The following NPAT variants were observed in gnomAD, a reference collection of about 807,000 sequenced individuals.
NPAT encodes nuclear protein, coactivator of histone transcription.
NPAT carries 52 observed loss-of-function variants against 130.7 expected under a neutral mutation model. The observed-to-expected ratio is 0.40, with a 90% CI of 0.32 to 0.50. NPAT has a LOEUF of 0.50. NPAT is among the 20% of genes least tolerant of loss of function. The pLI is 0.68. For synonymous variants in NPAT, 580 were observed against 584.8 expected, an observed-to-expected ratio of 0.99 and a Z score of 0.12; for missense variants, 1,687 against 1,662.6, an observed-to-expected ratio of 1.01 and a Z score of -0.26.
chr11:108,216,586 C>A (rs546368866), intron 1 of NPAT, among the ~76,000 whole-genome samples: 1 of 151,716 alleles, frequency 6.6e-6, no homozygotes, highest in Middle Eastern at 3.4e-3. Context: ...AACAATGCCC[C>A]AGACAGAATA....
At chr11:108,205,245 A>C (rs2078314750) in intron 1 of NPAT, among the ~76,000 whole-genome samples, 2 of 152,206 alleles carry the variant, frequency 1.3e-5, no homozygotes, top group Non-Finnish European at 2.9e-5. Flanking sequence ...ACTGATAGCA[A>C]AAAAAGGTCA....
At chr11:108,218,359 A>G (rs746394221) in intron 1 of NPAT, among the ~76,000 whole-genome samples, 4 of 152,180 alleles carry the variant, frequency 2.6e-5, no homozygotes, top group Admixed American at 6.5e-5. Flanking sequence ...GTAGAGAGGG[A>G]AAGATAAAAA....
intron 1 of NPAT, among the ~76,000 whole-genome samples, chr11:108,207,718 A>AG (rs1203829312): frequency 6.6e-6 from 1 of 152,164 alleles, no homozygotes; most frequent in Non-Finnish European, 1.5e-5. Flanking sequence ...CTGCAGGGAA[A>AG]GGGGGGCTTC....
intron 10 of NPAT, among the ~76,000 whole-genome samples, chr11:108,183,663 G>A (rs752204007): frequency 4.6e-5 from 7 of 152,090 alleles, no homozygotes; most frequent in African/African-American, 1.2e-4. Flanking sequence ...TTAGCCAGGC[G>A]TGGAGGTGCA....
Position 108,173,099 on chromosome 11 carries a change from G to A in NPAT, c.1885C>T (p.Leu629=). The change falls in exon 13 of 18, where the codon CTG becomes TTG. Residue 629 remains leucine (L), a synonymous_variant. Transcript: ENST00000278612. ...GQVEIHLGDS[L]SSTKQPSNDS... Reference sequence around the variant, plus strand: ...TTAGATGGTTGTTTAGTAGAAGACAGCGAATCTCCAAGATGAATTTCTACT... The same window carrying A: ...TTAGATGGTTGTTTAGTAGAAGACAACGAATCTCCAAGATGAATTTCTACT... 6.2e-7 allele frequency: 1 copy of A among 1,614,050 alleles called. No individual in the cohort carries two copies. The highest frequency in any genetic ancestry group is 8.5e-7 in the Non-Finnish European group (1 of 1,179,992).
intron 4 of NPAT, among the ~76,000 whole-genome samples, chr11:108,191,780 T>C (rs961606303): frequency 2.0e-5 from 3 of 152,204 alleles, no homozygotes; most frequent in African/African-American, 7.2e-5. Context: ...GCATCAATTC[T>C]GTGAATATGT....
intron 15 of NPAT, among the ~76,000 whole-genome samples, chr11:108,169,294 G>A (rs1372545398): frequency 1.3e-5 from 2 of 152,192 alleles, no homozygotes; most frequent in Admixed American, 1.3e-4. Context: ...CACTGGCATT[G>A]CTTAGAAGCT....
chr11:108,202,107 A>T (rs887088244), intron 1 of NPAT, among the ~76,000 whole-genome samples: 1 of 152,226 alleles, frequency 6.6e-6, no homozygotes, highest in Non-Finnish European at 1.5e-5. Context: ...AAGGGAAAGC[A>T]GTTAACATTT....
At chr11:108,200,304 C>T (rs187274151) in intron 1 of NPAT, among the ~76,000 whole-genome samples, 293 of 152,280 alleles carry the variant, frequency 1.9e-3, no homozygotes, top group Non-Finnish European at 3.6e-3. Flanking sequence ...TGAGGGATGT[C>T]TCAGGAAAGC....
chr11:108,160,802 G>A (rs2077839168), intron 17 of NPAT, 78 bp downstream of exon 17: 1 of 1,303,694 alleles, frequency 7.7e-7, no homozygotes, highest in Non-Finnish European at 1.1e-6. Context: ...AAGTTGTTGT[G>A]GCAAGAACTG....
At chr11:108,222,350 C>T (rs4987879) in intron 1 of NPAT, 150 bp downstream of exon 1, 11,416 of 821,956 alleles carry the variant, frequency 0.014, 114 homozygotes, top group Middle Eastern at 0.034. Context: ...CCAGAACCTC[C>T]GAATGACGAA....
intron 1 of NPAT, among the ~76,000 whole-genome samples, chr11:108,204,547 ACCT>A (rs2078307405): frequency 3.0e-4 from 10 of 33,144 alleles, no homozygotes; most frequent in Non-Finnish European, 1.6e-4. Context: ...AAACCCTGGA[ACCT>A]GCCGAACCTG....
At chr11:108,207,249 T>C (rs2078337676) in intron 1 of NPAT, among the ~76,000 whole-genome samples, 1 of 152,210 alleles carries the variant, frequency 6.6e-6, no homozygotes, top group Non-Finnish European at 1.5e-5. Flanking sequence ...TATGTGCTGA[T>C]GGGTCCATGG....
At chr11:108,199,425 G>A (rs371305366) in intron 1 of NPAT, among the ~76,000 whole-genome samples, 1 of 152,188 alleles carries the variant, frequency 6.6e-6, no homozygotes, top group Admixed American at 6.5e-5. Context: ...AGGCAGGCGC[G>A]CCACAGGCCA....
At chr11:108,217,691 C>T (rs979425215) in intron 1 of NPAT, among the ~76,000 whole-genome samples, 1 of 152,010 alleles carries the variant, frequency 6.6e-6, no homozygotes. Flanking sequence ...GAATGAAAAT[C>T]CAAATATGAT....
chr11:108,162,162 A>G lies in NPAT; in HGVS notation c.3029T>C (p.Leu1010Ser), dbSNP rs1476780334. The G allele has an allele frequency of 3.1e-6, 5 of 1,613,774 alleles. No homozygotes were observed. Among genetic ancestry groups the G allele is most frequent in the Non-Finnish European group, 4.2e-6 (5 of 1,179,770 alleles). ...KPCIGKQVNN[L>S]VDSSGHSVGC... ...AACTGAATGACCTGACGAATCCACC[A>G]AATTATTTACTTGTTTTCCTGAAAT... The change falls in exon 16 of 18, where the codon TTG becomes TCG. Residue 1010 changes from leucine (L) to serine (S), a missense_variant. By Grantham distance (145) the Leu-to-Ser change is moderately radical (BLOSUM62 -2). Transcript: ENST00000278612.
intron 11 of NPAT, 99 bp from the exon 12 acceptor site, chr11:108,176,473 AT>A: frequency 1.1e-6 from 1 of 918,480 alleles, no homozygotes; most frequent in Non-Finnish European, 1.7e-6. Flanking sequence ...TTAAACTTCG[AT>A]TTAGGGTTTT....
chr11:108,193,162 T>C (rs1165204085), intron 3 of NPAT, among the ~76,000 whole-genome samples: 2 of 152,190 alleles, frequency 1.3e-5, no homozygotes, highest in Non-Finnish European at 2.9e-5. Context: ...GTCAAAACTT[T>C]CCCTCTAAAA....
chr11:108,203,179 TGATGTACAGAC>T (rs777536959), intron 1 of NPAT, among the ~76,000 whole-genome samples: 1 of 152,180 alleles, frequency 6.6e-6, no homozygotes, highest in Non-Finnish European at 1.5e-5. Flanking sequence ...CCCTTTGAAA[TGATGTACAGAC>T]GACCTTTTCT....
Sources: gnomAD v4.1 joint callset for allele counts (sites outside exome capture counted in the v4.1 genomes callset) on GRCh38, gnomAD v4.1.1 for gene constraint, MANE v1.5 for transcripts, NCBI Gene and HGNC (gene_info 2026-07-23, HGNC 2026-07-21) for gene names.